The following BTD variants were observed in gnomAD, a reference collection of about 807,000 sequenced individuals.
BTD encodes the protein biotinidase.
In BTD, 13 loss-of-function variants were observed where a neutral mutation model predicts 17.7. That is an observed-to-expected ratio of 0.74 (90% CI 0.48 to 1.17). BTD has a LOEUF of 1.17. BTD is among the 50% of genes most tolerant of loss of function. The pLI is 0.00. For synonymous variants in BTD, 240 were observed against 245.2 expected, an observed-to-expected ratio of 0.98 and a Z score of 0.20; for missense variants, 674 against 650.4, an observed-to-expected ratio of 1.04 and a Z score of -0.39.
At chr3:15,709,502 T>G (rs1236519638) in intron 3 of BTD, among the ~76,000 whole-genome samples, 1 of 152,084 alleles carries the variant, frequency 6.6e-6, no homozygotes, top group Non-Finnish European at 1.5e-5. Context: ...AAACTGTGGG[T>G]GAGAACGAAT....
At chr3:15,707,544 T>C (rs1165564690) in intron 3 of BTD, among the ~76,000 whole-genome samples, 1 of 152,210 alleles carries the variant, frequency 6.6e-6, no homozygotes, top group Non-Finnish European at 1.5e-5. Flanking sequence ...TTCCAACCTC[T>C]ACCCAATCTT....
chr3:15,714,922 T>C (rs2072825754), downstream of BTD, among the ~76,000 whole-genome samples: 1 of 152,150 alleles, frequency 6.6e-6, no homozygotes, highest in African/African-American at 2.4e-5. Flanking sequence ...GTCTCCCAAG[T>C]TTCAGATTCA....
chr3:15,663,240 C>T (rs945129684), intron 3 of BTD, among the ~76,000 whole-genome samples: 10 of 152,166 alleles, frequency 6.6e-5, no homozygotes, highest in Non-Finnish European at 1.0e-4. Flanking sequence ...GTGATCCGCC[C>T]GCCTCGGCTT....
At chr3:15,642,225 A>G in intron 3 of BTD, 168 bp downstream of exon 3, 1 of 1,473,328 alleles carries the variant, frequency 6.8e-7, no homozygotes, top group Non-Finnish European at 9.0e-7. Flanking sequence ...CCATTAAAGA[A>G]TGTCTGACGT....
chr3:15,661,285 A>G (rs1217834853), intron 3 of BTD, among the ~76,000 whole-genome samples: 4 of 121,606 alleles, frequency 3.3e-5, no homozygotes, highest in Admixed American at 8.3e-5. Flanking sequence ...AAAAAAAAAA[A>G]AAAAAAAAGA....
intron 4 of BTD, among the ~76,000 whole-genome samples, chr3:15,718,562 T>G (rs2073340373): frequency 6.6e-6 from 1 of 152,306 alleles, no homozygotes; most frequent in African/African-American, 2.4e-5. Context: ...GTCACCTAAG[T>G]AGACACTAAC....
At chr3:15,677,134 TAGTC>T (rs2067018966) in intron 3 of BTD, 5 of 1,141,500 alleles carry the variant, frequency 4.4e-6, no homozygotes, top group Non-Finnish European at 6.6e-6. Context: ...TCTGCAATCC[TAGTC>T]CATATATTAT....
chr3:15,655,210 T>C (rs538881627), downstream of BTD, among the ~76,000 whole-genome samples: 7 of 152,242 alleles, frequency 4.6e-5, no homozygotes, highest in Non-Finnish European at 1.0e-4. Context: ...CTCTGAATTA[T>C]AATGTGCATA....
upstream of BTD, chr3:15,601,715 G>T (rs1329272613): frequency 3.2e-6 from 5 of 1,564,462 alleles, no homozygotes; most frequent in Non-Finnish European, 4.3e-6. Flanking sequence ...CCATTCGCGC[G>T]CCAGAATGCC....
upstream of BTD, chr3:15,601,647 G>T: frequency 6.4e-7 from 1 of 1,553,624 alleles, no homozygotes; most frequent in Non-Finnish European, 8.7e-7. Flanking sequence ...TCCCGGGAGA[G>T]GTGAGAATGT....
At chr3:15,679,090 T>TC (rs1262926393) in intron 3 of BTD, among the ~76,000 whole-genome samples, 3 of 152,004 alleles carry the variant, frequency 2.0e-5, no homozygotes, top group African/African-American at 7.2e-5. Flanking sequence ...TCCTCCTGCC[T>TC]CAGCCTCCTG....
chr3:15,707,852 C>T lies in BTD; in HGVS notation c.400-2208C>T, dbSNP rs186585050. On this transcript the variant is annotated intron_variant, in intron 3 of 3. Coordinates refer to the BTD transcript ENST00000672141. ...ACAAAGAGGAAACACAAATTTGCAA[C>T]AAAAACATCCATATGGAAGATGCCA... 6 of 1,524,086 alleles carry T rather than the reference C, an allele frequency of 3.9e-6. No individual in the cohort carries two copies. In the African/African-American group the frequency reaches 5.5e-5, roughly 14 times the overall value. The allele number at this position is 1,524,086 out of a possible 1,614,324, so 94.4% of individuals were successfully genotyped here.
At chr3:15,713,930 G>A (rs529557865), downstream of BTD, among the ~76,000 whole-genome samples, 11 of 152,104 alleles carry the variant, frequency 7.2e-5, no homozygotes, top group Non-Finnish European at 1.5e-4. Flanking sequence ...AATTAAACAC[G>A]TTTCTTTAGA....
intron 1 of BTD, among the ~76,000 whole-genome samples, chr3:15,631,002 T>G (rs1161721392): frequency 7.9e-5 from 12 of 152,222 alleles, no homozygotes; most frequent in Non-Finnish European, 1.8e-4. Context: ...AAAAGATCAT[T>G]TTTGTGATTT....
chr3:15,628,028 G>T (rs1368310674), intron 1 of BTD, among the ~76,000 whole-genome samples: 1 of 152,178 alleles, frequency 6.6e-6, no homozygotes, highest in African/African-American at 2.4e-5. Flanking sequence ...AGCCCCAAGG[G>T]TTATTCTTTT....
intron 3 of BTD, among the ~76,000 whole-genome samples, chr3:15,693,626 C>G (rs2069123643): frequency 6.6e-6 from 1 of 152,096 alleles, no homozygotes; most frequent in African/African-American, 2.4e-5. Context: ...GCTGCTGCTG[C>G]TAATGCTGCT....
chr3:15,610,739 A>G (rs2064596674), intron 1 of BTD, among the ~76,000 whole-genome samples: 2 of 152,164 alleles, frequency 1.3e-5, no homozygotes, highest in Admixed American at 1.3e-4. Flanking sequence ...CATCTTGTTT[A>G]TTATATTAAT....
intron 3 of BTD, chr3:15,668,381 T>C (rs980712858): frequency 2.6e-5 from 4 of 151,596 alleles, no homozygotes; most frequent in African/African-American, 4.9e-5. Context: ...AAAGGTACAA[T>C]AGAAAATGTA....
intron 3 of BTD, among the ~76,000 whole-genome samples, chr3:15,693,112 G>C (rs1202013989): frequency 2.0e-5 from 3 of 152,140 alleles, no homozygotes; most frequent in Non-Finnish European, 4.4e-5. Context: ...GAGAAACAGG[G>C]AGATGTTTAA....
Sources: allele counts gnomAD v4.1 joint callset (sites outside exome capture counted in the v4.1 genomes callset), GRCh38; gene constraint gnomAD v4.1.1; transcripts MANE v1.5; gene names NCBI Gene and HGNC (gene_info 2026-07-23, HGNC 2026-07-21).